Variants in CTNNA2 observed in about 807,000 individuals in gnomAD.
CTNNA2 encodes catenin alpha 2.
CTNNA2 carries 42 observed loss-of-function variants against 101.0 expected under a neutral mutation model. That is an observed-to-expected ratio of 0.42 (90% CI 0.32 to 0.54). The LOEUF is 0.54. Among genes scored for constraint, CTNNA2 ranks in the 20% least tolerant of loss-of-function variants. The pLI is 0.14. For missense variants in CTNNA2, 871 were observed against 1,223.1 expected, an observed-to-expected ratio of 0.71 and a Z score of 4.29; for synonymous variants, 450 against 456.4, an observed-to-expected ratio of 0.99 and a Z score of 0.18.
At chr2:79,300,764 A>T (rs1676089425) in intron 2 of CTNNA2, among the ~76,000 whole-genome samples, 1 of 152,054 alleles carries the variant, frequency 6.6e-6, no homozygotes, top group Non-Finnish European at 1.5e-5. Flanking sequence ...GGTCTTTCTG[A>T]TTTCAGCTAT....
intron 12 of CTNNA2, among the ~76,000 whole-genome samples, chr2:80,557,977 T>TA: frequency 6.6e-6 from 1 of 152,276 alleles, no homozygotes; most frequent in Admixed American, 6.5e-5. Flanking sequence ...TCTGGGGGCT[T>TA]AACTAAAGGC....
chr2:79,314,472 A>G (rs1468847803), intron 3 of CTNNA2, among the ~76,000 whole-genome samples: 1 of 152,218 alleles, frequency 6.6e-6, no homozygotes, highest in Non-Finnish European at 1.5e-5. Flanking sequence ...AGCAATAAAA[A>G]AAATTCTCTG....
At chr2:79,434,271 C>T (rs1182285166) in intron 4 of CTNNA2, among the ~76,000 whole-genome samples, 1 of 139,938 alleles carries the variant, frequency 7.1e-6, no homozygotes, top group Non-Finnish European at 1.5e-5. Flanking sequence ...ACACTCCAGC[C>T]TGGGAAACAG....
In CTNNA2 at chr2:80,019,115, G is replaced by A. The variant is rs370068945; in HGVS notation, c.1056+109318G>A. Among the ~76,000 whole-genome samples, 109 of 152,228 alleles carry A rather than the reference G, an allele frequency of 7.2e-4. No individual in the cohort carries two copies. In the South Asian group the frequency reaches 0.014, roughly 19 times the overall value. ...ACCTAGAAATTATTTAAAGTATATGGGAGAATACGTGTAGGTTATATGAAA... is the reference window on the plus strand; with the variant it reads ...ACCTAGAAATTATTTAAAGTATATGAGAGAATACGTGTAGGTTATATGAAA... On this transcript the variant is annotated intron_variant, in intron 7 of 18. Coordinates refer to ENST00000402739, the MANE Select transcript of CTNNA2 (RefSeq NM_001282597.3).
chr2:80,062,842 A>T (rs1176518436), intron 7 of CTNNA2, among the ~76,000 whole-genome samples: 2 of 151,734 alleles, frequency 1.3e-5, no homozygotes, highest in East Asian at 3.9e-4. Flanking sequence ...AGTAGCTGGG[A>T]CTACAGGCGC....
chr2:79,432,038 G>A (rs566395300), intron 4 of CTNNA2, among the ~76,000 whole-genome samples: 90 of 152,298 alleles, frequency 5.9e-4, no homozygotes, highest in Non-Finnish European at 8.4e-4. Context: ...ACATGGAGAT[G>A]AGGAAGCTTC....
Position 79,198,246 on chromosome 2 carries a change from T to A in CTNNA2, c.-406+170T>A, listed in dbSNP as rs574681312. Among the ~76,000 whole-genome samples the A allele has an allele frequency of 3.9e-5, 6 of 152,222 alleles. 1 individual carries two copies. The highest frequency in any genetic ancestry group is 8.8e-5 in the Non-Finnish European group (6 of 68,038). On this transcript the variant is annotated intron_variant, in intron 2 of 21. Coordinates refer to the CTNNA2 transcript ENST00000466387. ...AGGATATACACCAAATTTTTAACCA[T>A]GATAACCTAAATCTTACTAACTTGA...
intron 7 of CTNNA2, among the ~76,000 whole-genome samples, chr2:79,956,214 C>T (rs909264169): frequency 6.6e-6 from 1 of 152,116 alleles, no homozygotes; most frequent in African/African-American, 2.4e-5. Context: ...GTTTTACACA[C>T]TGAGACTCCA....
chr2:79,654,648 C>T (rs1006583125), intron 2 of CTNNA2, among the ~76,000 whole-genome samples: 1 of 152,214 alleles, frequency 6.6e-6, no homozygotes, highest in African/African-American at 2.4e-5. Context: ...TCTGCAAATT[C>T]CCTTCTGCCA....
intron 16 of CTNNA2, chr2:80,605,161 C>T: frequency 6.6e-6 from 1 of 151,900 alleles, no homozygotes; most frequent in Admixed American, 6.6e-5. Context: ...GAGTTCTCAC[C>T]TTGAATGTTT....
At chr2:80,393,102 T>A (rs1677674736) in intron 7 of CTNNA2, 109 bp from the exon 8 acceptor site, 2 of 779,966 alleles carry the variant, frequency 2.6e-6, no homozygotes, top group Admixed American at 2.9e-5. Context: ...ATAATCTTTT[T>A]AAAAAATTGT....
chr2:79,531,915 C>T (rs562153516), intron 1 of CTNNA2, among the ~76,000 whole-genome samples: 5 of 152,054 alleles, frequency 3.3e-5, no homozygotes, highest in South Asian at 2.1e-4. Flanking sequence ...CTCCTGACCT[C>T]GTGATCTGCC....
intron 1 of CTNNA2, among the ~76,000 whole-genome samples, chr2:79,554,170 C>T (rs1257804113): frequency 1.3e-5 from 2 of 152,002 alleles, no homozygotes; most frequent in Non-Finnish European, 2.9e-5. Context: ...TGTGCTGGCC[C>T]CTCTTGTAGC....
At chr2:79,603,361 A>G (rs1250767212) in intron 1 of CTNNA2, among the ~76,000 whole-genome samples, 3 of 152,180 alleles carry the variant, frequency 2.0e-5, no homozygotes, top group Non-Finnish European at 4.4e-5. Context: ...AAAACATACA[A>G]ACTTAGACTA....
At chr2:79,286,514 G>A (rs1456949992) in intron 2 of CTNNA2, among the ~76,000 whole-genome samples, 2 of 151,306 alleles carry the variant, frequency 1.3e-5, no homozygotes, top group Non-Finnish European at 3.0e-5. Flanking sequence ...CACTTATGAA[G>A]CTTAGTTTGG....
At chr2:80,586,982 A>G (rs1342500992) in intron 14 of CTNNA2, among the ~76,000 whole-genome samples, 2 of 152,088 alleles carry the variant, frequency 1.3e-5, no homozygotes, top group Non-Finnish European at 2.9e-5. Flanking sequence ...GAGCAGTGCT[A>G]GTGATATCAG....
At chr2:80,421,138 A>T (rs1680491231) in intron 9 of CTNNA2, among the ~76,000 whole-genome samples, 1 of 152,162 alleles carries the variant, frequency 6.6e-6, no homozygotes, top group Non-Finnish European at 1.5e-5. Context: ...TACAGAAGGA[A>T]GGGAAGAAAG....
At chr2:79,522,855 C>T (rs1672194375) in intron 1 of CTNNA2, among the ~76,000 whole-genome samples, 1 of 152,128 alleles carries the variant, frequency 6.6e-6, no homozygotes, top group African/African-American at 2.4e-5. Context: ...ACAGAAGATA[C>T]ATTGTTTCAA....
intron 3 of CTNNA2, among the ~76,000 whole-genome samples, chr2:79,762,647 G>T (rs931028092): frequency 2.6e-5 from 4 of 152,068 alleles, no homozygotes; most frequent in African/African-American, 9.7e-5. Flanking sequence ...TCAAAAATCA[G>T]CATCTTTCAA....
Sources: gnomAD v4.1 joint callset for allele counts (sites outside exome capture counted in the v4.1 genomes callset) on GRCh38, gnomAD v4.1.1 for gene constraint, MANE v1.5 for transcripts, NCBI Gene and HGNC (gene_info 2026-07-23, HGNC 2026-07-21) for gene names.